Variants in HERC1 observed in about 807,000 individuals in gnomAD.
HERC1 encodes probable E3 ubiquitin-protein ligase HERC1.
In HERC1, 160 loss-of-function variants were observed where a neutral mutation model predicts 554.3. The observed-to-expected ratio is 0.29, with a 90% CI of 0.25 to 0.33. The LOEUF is 0.33. Among genes scored for constraint, HERC1 ranks in the 10% least tolerant of loss-of-function variants. The pLI, the probability that HERC1 is intolerant of heterozygous loss-of-function variation, is 1.00. For missense variants in HERC1, 4,919 were observed against 5,918.5 expected (o/e 0.83, Z 5.54); for synonymous variants, 2,175 against 2,131.7 (o/e 1.02, Z -0.56).
chr15:63,821,532 G>A (rs528761636), intron 1 of HERC1, among the ~76,000 whole-genome samples: 3 of 143,896 alleles, frequency 2.1e-5, no homozygotes. Flanking sequence ...CTCCAGCCTG[G>A]TAACAGAGTG....
intron 1 of HERC1, among the ~76,000 whole-genome samples, chr15:63,817,653 T>C (rs1271492339): frequency 6.6e-6 from 1 of 152,182 alleles, no homozygotes; most frequent in African/African-American, 2.4e-5. Flanking sequence ...AGTTGGAGGT[T>C]GCAGTCAGCC....
intron 14 of HERC1, 31 bp downstream of exon 14, chr15:63,732,893 C>CT (rs765969855): frequency 9.1e-6 from 13 of 1,423,436 alleles, no homozygotes; most frequent in African/African-American, 5.6e-5. Flanking sequence ...CCCCTTTATT[C>CT]TTTTTTTACT....
intron 11 of HERC1, 38 bp downstream of exon 11, chr15:63,747,686 A>G (rs1229002671): frequency 6.2e-6 from 8 of 1,298,302 alleles, no homozygotes; most frequent in Non-Finnish European, 8.7e-6. Context: ...GCGCGCGCAC[A>G]CACACACACA....
At chr15:63,674,259 C>T in intron 38 of HERC1, 83 bp downstream of exon 38, 1 of 1,165,882 alleles carries the variant, frequency 8.6e-7, no homozygotes, top group Non-Finnish European at 1.1e-6. Flanking sequence ...TTACAAATCA[C>T]TTACAGAATG....
Position 63,698,979 on chromosome 15 carries a change from A to G in HERC1, c.4654T>C (p.Leu1552=). The change falls in exon 26 of 78, where the codon TTG becomes CTG. Residue 1552 remains leucine (L), a synonymous_variant. Coordinates refer to ENST00000443617, the MANE Select transcript of HERC1 (RefSeq NM_003922.4). ...GCCCAAGAGTCACTCAGGGATTCCA[A>G]TTGACTGTGCATAGGACCTATATAC... ...HRKRGPMHSQ[L]ESLSDSWARL... 1.2e-6 allele frequency: 2 copies of G among 1,613,082 alleles called. No homozygotes were observed. The highest frequency in any genetic ancestry group is 1.1e-5 in the South Asian group (1 of 91,070).
chr15:63,669,790 A>C, intron 39 of HERC1, 92 bp from the exon 40 acceptor site: 1 of 1,149,530 alleles, frequency 8.7e-7, no homozygotes, highest in Non-Finnish European at 1.3e-6. Flanking sequence ...TGCAACCTGG[A>C]AGACTAAACA....
At chr15:63,646,428 G>C (rs1388306146) in intron 55 of HERC1, among the ~76,000 whole-genome samples, 3 of 150,580 alleles carry the variant, frequency 2.0e-5, no homozygotes, top group Non-Finnish European at 4.4e-5. Flanking sequence ...TGCAACAACA[G>C]AACATTAAGT....
At position 63,666,037 on chromosome 15, in the gene HERC1, T is replaced by C. The variant is rs1595924948; in HGVS notation, c.8437A>G (p.Arg2813Gly). 4 of 1,614,020 alleles carry C rather than the reference T, an allele frequency of 2.5e-6. No individual in the cohort carries two copies. Among genetic ancestry groups the C allele is most frequent in the African/African-American group, 1.3e-5 (1 of 75,056 alleles). Residue 2813 changes from arginine to glycine, a missense_variant, in exon 42 of 78, where the codon AGG becomes GGG. Transcript: ENST00000443617. ...EPQSGSTADS[R>G]PGAAVLGSGG... ...CTGCCTAGAACGGCTGCTCCAGGCC[T>C]AGAGTCTGCTGTGCTGCCCGACTGG...
intron 1 of HERC1, among the ~76,000 whole-genome samples, chr15:63,824,227 G>A (rs2077805555): frequency 6.6e-6 from 1 of 152,148 alleles, no homozygotes; most frequent in Non-Finnish European, 1.5e-5. Flanking sequence ...AAAACAGTAT[G>A]TAGGTTTCTC....
At chr15:63,779,061 G>A (rs1168920304) in intron 1 of HERC1, among the ~76,000 whole-genome samples, 2 of 151,880 alleles carry the variant, frequency 1.3e-5, no homozygotes, top group Non-Finnish European at 2.9e-5. Context: ...AGTGTTCAAG[G>A]AAGAGTAGAC....
At chr15:63,707,772 T>TA (rs1422043795) in intron 24 of HERC1, among the ~76,000 whole-genome samples, 1 of 151,458 alleles carries the variant, frequency 6.6e-6, no homozygotes, top group East Asian at 1.9e-4. Flanking sequence ...CCACTAAAAA[T>TA]ACAAAAGTTA....
intron 1 of HERC1, among the ~76,000 whole-genome samples, chr15:63,794,166 T>G (rs2076738761): frequency 6.6e-6 from 1 of 152,186 alleles, no homozygotes; most frequent in South Asian, 2.1e-4. Flanking sequence ...CATATAACCA[T>G]AAAAATGAGC....
intron 18 of HERC1, among the ~76,000 whole-genome samples, 196 bp downstream of exon 18, chr15:63,725,096 G>A (rs1310936737): frequency 6.6e-6 from 1 of 152,036 alleles, no homozygotes; most frequent in African/African-American, 2.4e-5. Context: ...ATTTCCTCTG[G>A]GGGCTCTTTT....
intron 6 of HERC1, 29 bp from the exon 7 acceptor site, chr15:63,754,677 A>T (rs1221873608): frequency 6.3e-7 from 1 of 1,599,162 alleles, no homozygotes; most frequent in Admixed American, 1.7e-5. Context: ...AACAACAAAG[A>T]AACAACATTA....
chr15:63,828,574 G>A (rs549651718), intron 1 of HERC1, among the ~76,000 whole-genome samples: 17 of 152,164 alleles, frequency 1.1e-4, no homozygotes, highest in Non-Finnish European at 2.1e-4. Context: ...CCCAACCTCA[G>A]GTGATCCGCC....
intron 1 of HERC1, among the ~76,000 whole-genome samples, chr15:63,829,479 A>ATATATATATATATAT (rs1555455605): frequency 2.1e-4 from 18 of 87,600 alleles, no homozygotes; most frequent in East Asian, 1.9e-3. Flanking sequence ...TGTTTATATA[A>ATATATATATATATAT]ATATATATAT....
In HERC1 at chr15:63,688,655, T is replaced by C. The variant is rs529647478; in HGVS notation, c.6048+934A>G. 1.2e-4 allele frequency among the ~76,000 whole-genome samples: 19 copies of C among 152,128 alleles called. No individual in the cohort carries two copies. In the East Asian group the frequency reaches 3.7e-3, roughly 29 times the overall value. Reference sequence around the variant, plus strand: ...AAGAAGAAGAACCTATAAAGGAGAATGAGAACAGGCCATTCTATCAAAGTA... The same window carrying C: ...AAGAAGAAGAACCTATAAAGGAGAACGAGAACAGGCCATTCTATCAAAGTA... On this transcript the variant is annotated intron_variant, in intron 33 of 77. Transcript: ENST00000443617.
chr15:63,803,534 C>A (rs1221530003), intron 1 of HERC1, among the ~76,000 whole-genome samples: 3 of 152,180 alleles, frequency 2.0e-5, no homozygotes, highest in Admixed American at 6.5e-5. Context: ...GCTATCCTCC[C>A]ACCTCTGCCT....
intron 69 of HERC1, among the ~76,000 whole-genome samples, 172 bp from the exon 70 acceptor site, chr15:63,628,987 G>A (rs2068429536): frequency 1.4e-5 from 2 of 146,286 alleles, no homozygotes; most frequent in Non-Finnish European, 3.0e-5. Flanking sequence ...GTCTTGCTCT[G>A]TTGTCCAGGC....
Sources: allele counts gnomAD v4.1 joint callset (sites outside exome capture counted in the v4.1 genomes callset), GRCh38; gene constraint gnomAD v4.1.1; transcripts MANE v1.5; gene names NCBI Gene and HGNC (gene_info 2026-07-23, HGNC 2026-07-21).